Variants in ATP9A observed in about 807,000 individuals in gnomAD.
ATP9A encodes the protein probable phospholipid-transporting ATPase IIA.
A neutral mutation model predicts 144.1 loss-of-function variants in ATP9A; 52 were observed. The observed-to-expected ratio is 0.36, with a 90% CI of 0.29 to 0.45. ATP9A has a LOEUF of 0.45. ATP9A is among the 20% of genes least tolerant of loss of function. The probability of loss-of-function intolerance (pLI) is 1.00; values close to 1 mark genes in which losing one functional copy is unlikely to be tolerated. For missense variants in ATP9A, 947 were observed against 1,392.7 expected, an observed-to-expected ratio of 0.68 and a Z score of 5.09; for synonymous variants, 582 against 557.4, an observed-to-expected ratio of 1.04 and a Z score of -0.62.
intron 17 of ATP9A, among the ~76,000 whole-genome samples, chr20:51,626,023 C>T (rs1342704005): frequency 6.6e-6 from 1 of 152,240 alleles, no homozygotes; most frequent in Non-Finnish European, 1.5e-5. Context: ...CCCCACGAAG[C>T]GTGTCCCGCC....
chr20:51,700,326 G>A (rs1044723626), intron 4 of ATP9A, among the ~76,000 whole-genome samples: 1 of 152,136 alleles, frequency 6.6e-6, no homozygotes, highest in Non-Finnish European at 1.5e-5. Flanking sequence ...TTCAAGACCA[G>A]CCTAGGCAAC....
At chr20:51,680,131 G>A (rs139764936) in intron 9 of ATP9A, among the ~76,000 whole-genome samples, 108 of 151,446 alleles carry the variant, frequency 7.1e-4, no homozygotes, top group African/African-American at 2.4e-3. Context: ...TGGGGAGGCC[G>A]ACGCAGAAGA....
intron 9 of ATP9A, among the ~76,000 whole-genome samples, chr20:51,681,862 G>A (rs541551300): frequency 2.0e-5 from 3 of 152,284 alleles, no homozygotes; most frequent in African/African-American, 4.8e-5. Flanking sequence ...AAAGGAGGAC[G>A]GAAGGAGAGA....
At chr20:51,643,957 G>A (rs920327105) in intron 14 of ATP9A, among the ~76,000 whole-genome samples, 18 of 151,920 alleles carry the variant, frequency 1.2e-4, no homozygotes, top group East Asian at 1.9e-4. Context: ...TCAACATAGC[G>A]AAACCCCATC....
chr20:51,670,131 T>C, intron 12 of ATP9A, 22 bp from the exon 13 acceptor site: 1 of 1,559,352 alleles, frequency 6.4e-7, no homozygotes, highest in Non-Finnish European at 8.8e-7. Context: ...GACAAATGAG[T>C]GGCCGGCCTG....
chr20:51,672,422 A>G (rs759374176), intron 11 of ATP9A, among the ~76,000 whole-genome samples: 2 of 152,156 alleles, frequency 1.3e-5, no homozygotes, highest in African/African-American at 2.4e-5. Context: ...ACCAATTTTT[A>G]ATCATGTTAC....
chr20:51,744,457 C>A (rs1042879458), intron 1 of ATP9A, among the ~76,000 whole-genome samples: 1 of 152,170 alleles, frequency 6.6e-6, no homozygotes, highest in Non-Finnish European at 1.5e-5. Flanking sequence ...CCACCGCGCC[C>A]AGCCTAGACC....
intron 10 of ATP9A, among the ~76,000 whole-genome samples, 168 bp from the exon 11 acceptor site, chr20:51,674,481 G>A (rs1319744417): frequency 6.6e-6 from 1 of 152,134 alleles, no homozygotes; most frequent in African/African-American, 2.4e-5. Context: ...AGGACAGTGG[G>A]ATCCATCGAT....
At chr20:51,724,279 T>C (rs932417015) in intron 3 of ATP9A, among the ~76,000 whole-genome samples, 11 of 152,224 alleles carry the variant, frequency 7.2e-5, no homozygotes, top group African/African-American at 2.7e-4. Flanking sequence ...CAACTGCATT[T>C]CATAATACCT....
chr20:51,648,407 G>A (rs6063688), intron 14 of ATP9A, among the ~76,000 whole-genome samples: 4 of 152,094 alleles, frequency 2.6e-5, no homozygotes, highest in Non-Finnish European at 5.9e-5. Flanking sequence ...GCAGAGAGAA[G>A]GTGGAAGGCA....
chr20:51,610,024 C>T, intron 24 of ATP9A, 77 bp downstream of exon 24: 1 of 1,356,916 alleles, frequency 7.4e-7, no homozygotes, highest in Non-Finnish European at 1.0e-6. Flanking sequence ...AGAATTTTTC[C>T]ACCACGTTTC....
chr20:51,617,007 T>C (rs2077205869), intron 22 of ATP9A, among the ~76,000 whole-genome samples: 1 of 149,088 alleles, frequency 6.7e-6, no homozygotes, highest in Non-Finnish European at 1.5e-5. Context: ...AGTGGCGCAA[T>C]CTCGGCTTAC....
Position 51,598,918 on chromosome 20 carries a change from TAA to T in ATP9A, c.*2291_*2292del, listed in dbSNP as rs1168702220. 6.6e-6 allele frequency: 1 copy of T among 152,188 alleles called. No individual in the cohort carries two copies. The highest frequency in any genetic ancestry group is 1.5e-5 in the Non-Finnish European group (1 of 68,040). The allele number at this position is 152,188 out of a possible 1,614,324, so 9.4% of individuals were successfully genotyped here. ...CCCCAGTGCGGCTGAGACAACAGAG[TAA>T]AAAGGTTTGTGGAGAACACTGACGA... On this transcript the variant is annotated 3_prime_UTR_variant, in exon 28 of 28. Transcript: ENST00000338821.
In ATP9A at chr20:51,598,402, A is replaced by G. The variant is rs1428447083; in HGVS notation, c.*2809T>C. The G allele has an allele frequency of 6.6e-6, 1 of 152,142 alleles. No individual in the cohort carries two copies. Among genetic ancestry groups the G allele is most frequent in the Non-Finnish European group, 1.5e-5 (1 of 68,024 alleles). The allele number at this position is 152,142 out of a possible 1,614,324, so 9.4% of individuals were successfully genotyped here. A position where few individuals can be genotyped will look rare whatever the true frequency, so the allele number is the denominator to read the frequency against. On this transcript the variant is annotated 3_prime_UTR_variant, in exon 28 of 28. Coordinates refer to ENST00000338821, the MANE Select transcript of ATP9A (RefSeq NM_006045.3). ...TCAAACAGTGCTGACTGTGTACCTC[A>G]AGGCCCTCTGACCTCAAATTAAATT... is the stretch of plus-strand genomic sequence containing the variant.
At chr20:51,732,577 A>G (rs2077746728) in intron 1 of ATP9A, 1 of 151,864 alleles carries the variant, frequency 6.6e-6, no homozygotes, top group African/African-American at 2.4e-5. Flanking sequence ...TAGCATCCTC[A>G]TTCCAGTAAA....
At chr20:51,744,091 T>C (rs1288829013) in intron 1 of ATP9A, among the ~76,000 whole-genome samples, 1 of 152,146 alleles carries the variant, frequency 6.6e-6, no homozygotes, top group Non-Finnish European at 1.5e-5. Context: ...TTCAACTAGG[T>C]TAAAGTGTAA....
chr20:51,610,137 GC>G lies in ATP9A; in HGVS notation c.2599del (p.Ala867ProfsTer59), dbSNP rs779069111. 6.2e-7 allele frequency: 1 copy of G among 1,610,734 alleles called. No individual in the cohort carries two copies. The highest frequency in any genetic ancestry group is 8.5e-7 in the Non-Finnish European group (1 of 1,176,928). On this transcript the variant is annotated frameshift_variant, in exon 24 of 28. Transcript: ENST00000338821. LOFTEE classifies it high-confidence loss of function. ...QAVFSSVFYF[A>X]SVPLYQGFLI... ...GAATCCTTGATAGAGAGGGACGGAG[GC>G]AAAGTAAAACACGGAGGAAAAGACA...
At position 51,665,235 on chromosome 20, in the gene ATP9A, G is replaced by C. The variant is rs912378877; in HGVS notation, c.1293+4762C>G. Reference sequence around the variant, plus strand: ...GAGACAGAAAGTAGACTGACAGCTGGGGGGATAGAGCAGGGGGGTTTGGGA... The same window carrying C: ...GAGACAGAAAGTAGACTGACAGCTGCGGGGATAGAGCAGGGGGGTTTGGGA... On this transcript the variant is annotated intron_variant, in intron 13 of 27. Transcript: ENST00000338821. 7.9e-4 allele frequency among the ~76,000 whole-genome samples: 116 copies of C among 147,592 alleles called. 1 individual carries two copies. The highest frequency in any genetic ancestry group is 1.6e-4 in the Non-Finnish European group (11 of 67,132).
chr20:51,724,986 T>G (rs1282523290), intron 3 of ATP9A, among the ~76,000 whole-genome samples: 1 of 152,236 alleles, frequency 6.6e-6, no homozygotes, highest in Non-Finnish European at 1.5e-5. Context: ...GGGGGACATC[T>G]GTGCCATCCT....
Sources: gnomAD v4.1 joint callset for allele counts (sites outside exome capture counted in the v4.1 genomes callset) on GRCh38, gnomAD v4.1.1 for gene constraint, MANE v1.5 for transcripts, NCBI Gene and HGNC (gene_info 2026-07-23, HGNC 2026-07-21) for gene names.